GABRA2: variants seen among roughly 807,000 people sequenced by gnomAD.
GABRA2 encodes gamma-aminobutyric acid type A receptor subunit alpha2.
In GABRA2, 16 loss-of-function variants were observed where a neutral mutation model predicts 48.7. The ratio of observed to expected loss-of-function variants is 0.33; its 90% CI spans 0.22 to 0.50. GABRA2 has a LOEUF of 0.50. Among genes scored for constraint, GABRA2 ranks in the 20% least tolerant of loss-of-function variants. The pLI is 0.98. For synonymous variants in GABRA2, 185 were observed against 184.5 expected (o/e 1.00, Z -0.02); for missense variants, 275 against 535.6 (o/e 0.51, Z 4.80).
intron 3 of GABRA2, among the ~76,000 whole-genome samples, chr4:46,379,168 TA>T (rs1018544131): frequency 2.0e-5 from 3 of 152,146 alleles, no homozygotes; most frequent in Admixed American, 2.0e-4. Flanking sequence ...CTCAAAATAT[TA>T]AAAAGCGTCA....
At chr4:46,303,135 G>A (rs1031938048) in intron 8 of GABRA2, 19 of 260,332 alleles carry the variant, frequency 7.3e-5, no homozygotes, top group African/African-American at 3.9e-4. Flanking sequence ...ACAATAAAGA[G>A]CTATCATTTT....
chr4:46,318,647 C>A (rs905132205), intron 4 of GABRA2, among the ~76,000 whole-genome samples: 1 of 151,520 alleles, frequency 6.6e-6, no homozygotes, highest in African/African-American at 2.4e-5. Context: ...AAATAAAAAA[C>A]GGTCTAACTC....
At chr4:46,326,642 T>C (rs1730431960) in intron 4 of GABRA2, among the ~76,000 whole-genome samples, 1 of 151,864 alleles carries the variant, frequency 6.6e-6, no homozygotes, top group Admixed American at 6.6e-5. Context: ...ATTGGTGTTC[T>C]AGAGTTTCTG....
chr4:46,317,557 C>T (rs1006996670), intron 4 of GABRA2, among the ~76,000 whole-genome samples: 7 of 151,684 alleles, frequency 4.6e-5, no homozygotes, highest in African/African-American at 1.2e-4. Flanking sequence ...ATCAGTGTAC[C>T]GTGATTGTGC....
chr4:46,245,065 CTATAA>C lies in GABRA2; in HGVS notation c.*5238_*5242del, dbSNP rs1177191398. Among the ~76,000 whole-genome samples, 1 of 150,674 alleles carries C rather than the reference CTATAA, an allele frequency of 6.6e-6. No homozygotes were observed. The highest frequency in any genetic ancestry group is 1.5e-5 in the Non-Finnish European group (1 of 67,340). On this transcript the variant is annotated 3_prime_UTR_variant, in exon 10 of 10. Transcript: ENST00000381620. ...TGTTTGTTTGTTTCGTTTACCTTTCCTATAATATATGTAAACTGGTATGTTGGTGT... is the reference window on the plus strand; with the variant it reads ...TGTTTGTTTGTTTCGTTTACCTTTCCTATATGTAAACTGGTATGTTGGTGT...
intron 9 of GABRA2, 123 bp from the exon 10 acceptor site, chr4:46,250,727 C>T (rs1714582492): frequency 1.5e-6 from 1 of 667,686 alleles, no homozygotes; most frequent in Non-Finnish European, 2.5e-6. Context: ...TAGCAAAAAA[C>T]AGAAATTAGG....
At chr4:46,251,501 A>G (rs1714750426) in intron 9 of GABRA2, among the ~76,000 whole-genome samples, 2 of 151,390 alleles carry the variant, frequency 1.3e-5, no homozygotes, top group African/African-American at 2.4e-5. Context: ...GCTTTTAGCC[A>G]TGATATTTCC....
chr4:46,354,227 C>T (rs768066031), intron 3 of GABRA2, among the ~76,000 whole-genome samples: 13 of 152,064 alleles, frequency 8.5e-5, no homozygotes, highest in Non-Finnish European at 1.8e-4. Flanking sequence ...AGTGGCAGAG[C>T]CAATATTGAA....
intron 3 of GABRA2, among the ~76,000 whole-genome samples, chr4:46,347,798 G>A (rs960930374): frequency 6.6e-6 from 1 of 151,774 alleles, no homozygotes; most frequent in African/African-American, 2.4e-5. Flanking sequence ...TTAGCAGATG[G>A]AAGAGAAAAA....
intron 3 of GABRA2, among the ~76,000 whole-genome samples, chr4:46,369,464 T>C (rs969513904): frequency 2.6e-5 from 4 of 152,106 alleles, no homozygotes; most frequent in African/African-American, 9.7e-5. Context: ...TAAAGAGAAT[T>C]TGAAAAATTA....
At chr4:46,297,121 T>C (rs1191614742) in intron 8 of GABRA2, among the ~76,000 whole-genome samples, 1 of 152,046 alleles carries the variant, frequency 6.6e-6, no homozygotes, top group Non-Finnish European at 1.5e-5. Flanking sequence ...CTTGATTGGA[T>C]TGAAGGATGC....
At chr4:46,388,514 A>T in intron 2 of GABRA2, 122 bp downstream of exon 2, 1 of 1,179,604 alleles carries the variant, frequency 8.5e-7, no homozygotes, top group South Asian at 1.4e-5. Flanking sequence ...CACTTTCCCC[A>T]TACACCCCCT....
chr4:46,388,785 C>A (rs1553928223), intron 1 of GABRA2, 69 bp from the exon 2 acceptor site: 2 of 1,606,256 alleles, frequency 1.2e-6, no homozygotes, highest in South Asian at 1.1e-5. Flanking sequence ...ATCCAAGTAA[C>A]CCCAAAGAAT....
chr4:46,365,220 T>C (rs1313927890), intron 3 of GABRA2: 2 of 152,200 alleles, frequency 1.3e-5, no homozygotes, highest in African/African-American at 2.4e-5. Context: ...TGTACTTCCA[T>C]AGATGTAATC....
intron 7 of GABRA2, among the ~76,000 whole-genome samples, chr4:46,304,157 T>A (rs1043459477): frequency 6.6e-6 from 1 of 152,212 alleles, no homozygotes; most frequent in African/African-American, 2.4e-5. Context: ...TGCCAACAGT[T>A]TATTTTACTT....
chr4:46,332,884 CATAG>C (rs1361475738), intron 3 of GABRA2, among the ~76,000 whole-genome samples: 1 of 152,056 alleles, frequency 6.6e-6, no homozygotes, highest in African/African-American at 2.4e-5. Context: ...CTGCAAAATG[CATAG>C]AAGTATTATG....
chr4:46,380,853 C>A (rs886772537), intron 3 of GABRA2, among the ~76,000 whole-genome samples: 1 of 152,028 alleles, frequency 6.6e-6, no homozygotes, highest in Non-Finnish European at 1.5e-5. Flanking sequence ...TAATAAAATC[C>A]ATGGAAACAT....
intron 7 of GABRA2, among the ~76,000 whole-genome samples, chr4:46,303,976 G>A (rs1163372615): frequency 6.6e-6 from 1 of 151,816 alleles, no homozygotes; most frequent in Non-Finnish European, 1.5e-5. Flanking sequence ...ATGCTCTAAT[G>A]AGCATCTCCT....
chr4:46,289,380 G>T (rs963439594), intron 8 of GABRA2, among the ~76,000 whole-genome samples: 2 of 152,204 alleles, frequency 1.3e-5, no homozygotes, highest in African/African-American at 4.8e-5. Flanking sequence ...AAAAAAGAAT[G>T]AGATCACGTC....
Sources: gnomAD v4.1 joint callset for allele counts (sites outside exome capture counted in the v4.1 genomes callset) on GRCh38, gnomAD v4.1.1 for gene constraint, MANE v1.5 for transcripts, NCBI Gene and HGNC (gene_info 2026-07-23, HGNC 2026-07-21) for gene names.